DLGAP2: variants seen among roughly 807,000 people sequenced by gnomAD.
The protein encoded by DLGAP2 is disks large-associated protein 2.
DLGAP2 carries 26 observed loss-of-function variants against 100.3 expected under a neutral mutation model. The ratio of observed to expected loss-of-function variants is 0.26; its 90% confidence interval spans 0.19 to 0.36. DLGAP2 has a LOEUF of 0.36. DLGAP2 is among the 10% of genes least tolerant of loss of function. DLGAP2 has a pLI of 1.00. For missense variants in DLGAP2, 1,858 were observed against 1,453.2 expected (o/e 1.28, Z -4.53); for synonymous variants, 886 against 630.1 (o/e 1.41, Z -6.08).
chr8:1,598,283 T>C lies in DLGAP2; in HGVS notation c.1443-28457T>C, dbSNP rs543283924. Among the ~76,000 whole-genome samples, 3 of 152,352 alleles carry C rather than the reference T, an allele frequency of 2.0e-5. No individual in the cohort carries two copies. In the East Asian group the frequency reaches 5.8e-4, roughly 29 times the overall value. On this transcript the variant is annotated intron_variant, in intron 6 of 14. Transcript: ENST00000637795. ...CAGTTTGCCAGTATTTTATTGAGGATTTCTGCATCCATGTTCATCAGGGAT... is the reference window on the plus strand; with the variant it reads ...CAGTTTGCCAGTATTTTATTGAGGACTTCTGCATCCATGTTCATCAGGGAT...
chr8:1,459,408 T>G (rs1310366166), intron 3 of DLGAP2, among the ~76,000 whole-genome samples: 4 of 152,224 alleles, frequency 2.6e-5, no homozygotes, highest in Admixed American at 1.3e-4. Flanking sequence ...GTTCAGAGAT[T>G]GTCACTTGTC....
chr8:1,062,436 TC>T (rs1246282909), intron 2 of DLGAP2, among the ~76,000 whole-genome samples: 1 of 145,894 alleles, frequency 6.9e-6, no homozygotes, highest in Non-Finnish European at 1.5e-5. Flanking sequence ...CCCAGACGCC[TC>T]CTGCGCTCGG....
At chr8:1,067,835 G>C (rs922053243) in intron 2 of DLGAP2, among the ~76,000 whole-genome samples, 1 of 151,618 alleles carries the variant, frequency 6.6e-6, no homozygotes, top group African/African-American at 2.4e-5. Context: ...GGTTCACCTC[G>C]GCTCACTCTT....
At chr8:800,479 G>A (rs984771726) in intron 1 of DLGAP2, among the ~76,000 whole-genome samples, 1 of 152,192 alleles carries the variant, frequency 6.6e-6, no homozygotes, top group Non-Finnish European at 1.5e-5. Flanking sequence ...GCCTCCATCT[G>A]CCAGGCATGG....
intron 3 of DLGAP2, among the ~76,000 whole-genome samples, chr8:1,437,322 C>T (rs145096568): frequency 4.6e-5 from 7 of 152,360 alleles, no homozygotes; most frequent in Admixed American, 2.0e-4. Flanking sequence ...TGTATCAGTG[C>T]GCTCCACAAT....
chr8:960,027 G>T (rs549157966), intron 2 of DLGAP2, among the ~76,000 whole-genome samples: 3 of 152,136 alleles, frequency 2.0e-5, no homozygotes, highest in Admixed American at 1.3e-4. Flanking sequence ...TATCCTCTCT[G>T]TTAGAAAGTA....
rs146137017 is a variant in DLGAP2, at chr8:1,210,590, G to C, written c.74-48261G>C. On this transcript the variant is annotated intron_variant, in intron 2 of 14. Transcript: ENST00000637795. ...AGTGTACAGAGAAGTTTCTCTGGCA[G>C]GTGGGGTATGGCATGGAGGGGCTCC... Among the ~76,000 whole-genome samples, 1,211 of 152,330 alleles carry C rather than the reference G, an allele frequency of 7.9e-3. 19 individuals are homozygous for C. The highest frequency in any genetic ancestry group is 0.027 in the African/African-American group (1,133 of 41,590).
At chr8:1,294,302 G>T (rs1159725069) in intron 3 of DLGAP2, among the ~76,000 whole-genome samples, 1 of 152,122 alleles carries the variant, frequency 6.6e-6, no homozygotes, top group African/African-American at 2.4e-5. Flanking sequence ...CTTATTAAGG[G>T]AAAAAATGCC....
Position 1,707,342 on chromosome 8 carries a change from A to T in DLGAP2, c.*5936A>T, listed in dbSNP as rs1799735072. Reference sequence around the variant, plus strand: ...GAGAGTGTGTTGGCTTGTGTCTGCCAGTACGACAAAGGACGCTCCCAGCTT... The same window carrying T: ...GAGAGTGTGTTGGCTTGTGTCTGCCTGTACGACAAAGGACGCTCCCAGCTT... On this transcript the variant is annotated 3_prime_UTR_variant, in exon 15 of 15. Coordinates refer to ENST00000637795, the MANE Select transcript of DLGAP2 (RefSeq NM_001346810.2). 6.6e-6 allele frequency: 1 copy of T among 152,218 alleles called. No homozygotes were observed. Among genetic ancestry groups the T allele is most frequent in the South Asian group, 2.1e-4 (1 of 4,826 alleles). The allele number at this position is 152,218 out of a possible 1,614,324, so 9.4% of individuals were successfully genotyped here.
At chr8:1,568,356 A>C (rs2956919) in intron 6 of DLGAP2, among the ~76,000 whole-genome samples, 1 of 63,918 alleles carries the variant, frequency 1.6e-5, no homozygotes, top group Non-Finnish European at 3.0e-5. Flanking sequence ...CGTGGCCCCC[A>C]TGCCACTGTC....
chr8:1,587,347 T>G (rs756144462), intron 6 of DLGAP2, among the ~76,000 whole-genome samples: 1 of 152,176 alleles, frequency 6.6e-6, no homozygotes, highest in Non-Finnish European at 1.5e-5. Context: ...AGGAAAATGG[T>G]GATCTGGGGT....
intron 2 of DLGAP2, chr8:1,019,462 C>T (rs775363622): frequency 1.6e-4 from 25 of 151,778 alleles, no homozygotes; most frequent in African/African-American, 4.3e-4. Context: ...AGATTTTCAC[C>T]GAGAATCGCA....
At chr8:915,933 G>A (rs577907509) in intron 2 of DLGAP2, among the ~76,000 whole-genome samples, 3 of 137,260 alleles carry the variant, frequency 2.2e-5, no homozygotes, top group Admixed American at 7.5e-5. Flanking sequence ...TACACTCTCC[G>A]CACTCTCTTT....
rs891532062 is a variant in DLGAP2, at chr8:1,379,563, G to A, written c.106+120680G>A. On this transcript the variant is annotated intron_variant, in intron 3 of 14. Coordinates refer to ENST00000637795, the MANE Select transcript of DLGAP2 (RefSeq NM_001346810.2). ...GAGGCGTCATATTCAGTCTCTTCTTGTAAGAACCGTAACCGCTGTCATCAT... is the reference window on the plus strand; with the variant it reads ...GAGGCGTCATATTCAGTCTCTTCTTATAAGAACCGTAACCGCTGTCATCAT... 4 of 152,220 alleles carry A rather than the reference G, an allele frequency of 2.6e-5. No individual in the cohort carries two copies. The East Asian group carries it at 5.8e-4, about 22-fold the overall frequency. The allele number at this position is 152,220 out of a possible 1,614,324, so 9.4% of individuals were successfully genotyped here.
intron 1 of DLGAP2, among the ~76,000 whole-genome samples, chr8:904,436 C>T (rs11786366): frequency 0.07 from 10,703 of 152,248 alleles, 521 homozygotes; most frequent in Admixed American, 0.12. Context: ...AGAAGAATCA[C>T]TTGAACCCAG....
intron 1 of DLGAP2, among the ~76,000 whole-genome samples, chr8:773,830 C>G (rs1282081948): frequency 6.6e-6 from 1 of 152,114 alleles, no homozygotes; most frequent in Non-Finnish European, 1.5e-5. Context: ...GTCTTTATAG[C>G]AGCATGATTT....
intron 3 of DLGAP2, among the ~76,000 whole-genome samples, chr8:1,351,973 A>T (rs1250990737): frequency 7.1e-5 from 5 of 69,950 alleles, no homozygotes; most frequent in East Asian, 7.5e-4. Context: ...TGTGTGTGGA[A>T]ACGCCGTGCG....
At chr8:1,053,350 G>C (rs1354962456) in intron 2 of DLGAP2, among the ~76,000 whole-genome samples, 1 of 152,088 alleles carries the variant, frequency 6.6e-6, no homozygotes, top group Non-Finnish European at 1.5e-5. Flanking sequence ...AGAATGAAGT[G>C]CTTCCTACAC....
chr8:744,037 A>G (rs1820552176), intron 1 of DLGAP2, among the ~76,000 whole-genome samples: 1 of 152,174 alleles, frequency 6.6e-6, no homozygotes, highest in African/African-American at 2.4e-5. Context: ...TTGCATCTAA[A>G]TGCCCAGACA....
Sources: gnomAD v4.1 joint callset for allele counts (sites outside exome capture counted in the v4.1 genomes callset) on GRCh38, gnomAD v4.1.1 for gene constraint, MANE v1.5 for transcripts, NCBI Gene and HGNC (gene_info 2026-07-23, HGNC 2026-07-21) for gene names.